PLCB1: variants seen among roughly 807,000 people sequenced by gnomAD.
PLCB1 encodes the protein 1-phosphatidylinositol 4,5-bisphosphate phosphodiesterase beta-1.
A neutral mutation model predicts 161.8 loss-of-function variants in PLCB1; 46 were observed. That is an observed-to-expected ratio of 0.28 (90% CI 0.22 to 0.36). The LOEUF is 0.36. Among genes scored for constraint, PLCB1 ranks in the 10% least tolerant of loss-of-function variants. The pLI, the probability that PLCB1 is intolerant of heterozygous loss-of-function variation, is 1.00. For missense variants in PLCB1, 1,016 were observed against 1,472.5 expected, an observed-to-expected ratio of 0.69 and a Z score of 5.07; for synonymous variants, 517 against 503.7, an observed-to-expected ratio of 1.03 and a Z score of -0.35.
intron 7 of PLCB1, chr20:8,652,057 T>C (rs1307745417): frequency 1.3e-5 from 2 of 152,368 alleles, no homozygotes; most frequent in African/African-American, 4.8e-5. Context: ...GAAAATTAAA[T>C]GTATGAACCA....
At chr20:8,448,706 T>C (rs1980943654) in intron 3 of PLCB1, among the ~76,000 whole-genome samples, 1 of 152,252 alleles carries the variant, frequency 6.6e-6, no homozygotes, top group South Asian at 2.1e-4. Context: ...TTCTACTGAA[T>C]ACTTTTTATA....
chr20:8,796,301 C>T (rs1257072777), intron 31 of PLCB1, among the ~76,000 whole-genome samples: 2 of 152,074 alleles, frequency 1.3e-5, no homozygotes, highest in Non-Finnish European at 2.9e-5. Flanking sequence ...TTGACTCATC[C>T]CTCTGCTTGA....
At chr20:8,553,789 T>A (rs1278646723) in intron 3 of PLCB1, among the ~76,000 whole-genome samples, 1 of 151,884 alleles carries the variant, frequency 6.6e-6, no homozygotes, top group Non-Finnish European at 1.5e-5. Context: ...TCACTTGAAA[T>A]CAGGGGTTCA....
At chr20:8,201,347 G>T (rs2052089374) in intron 2 of PLCB1, among the ~76,000 whole-genome samples, 1 of 151,846 alleles carries the variant, frequency 6.6e-6, no homozygotes, top group Admixed American at 6.6e-5. Context: ...ATCTTAAATA[G>T]ATAACTTAGA....
chr20:8,246,509 C>T (rs1295074535), intron 2 of PLCB1, among the ~76,000 whole-genome samples: 1 of 151,964 alleles, frequency 6.6e-6, no homozygotes, highest in Non-Finnish European at 1.5e-5. Context: ...GTTTCCACCA[C>T]ATTTTCTGTT....
intron 2 of PLCB1, among the ~76,000 whole-genome samples, chr20:8,324,009 T>A (rs995509522): frequency 4.6e-5 from 7 of 152,200 alleles, no homozygotes; most frequent in African/African-American, 1.7e-4. Flanking sequence ...TTTAGAAGTA[T>A]GATGTTGATT....
intron 2 of PLCB1, among the ~76,000 whole-genome samples, chr20:8,229,714 G>C (rs953303534): frequency 2.0e-5 from 3 of 151,406 alleles, no homozygotes; most frequent in African/African-American, 7.3e-5. Flanking sequence ...CTTCACATGA[G>C]AGCTTGCTAG....
chr20:8,631,730 A>T (rs992082366), intron 4 of PLCB1, among the ~76,000 whole-genome samples: 8 of 152,206 alleles, frequency 5.3e-5, no homozygotes, highest in Non-Finnish European at 7.3e-5. Context: ...ATAATAGGCC[A>T]CTTTTTTGTG....
intron 3 of PLCB1, among the ~76,000 whole-genome samples, chr20:8,428,943 T>C (rs1396431670): frequency 6.6e-6 from 1 of 152,160 alleles, no homozygotes; most frequent in Non-Finnish European, 1.5e-5. Context: ...GAATCTGTTG[T>C]GGTTTGTGGA....
intron 3 of PLCB1, among the ~76,000 whole-genome samples, chr20:8,498,710 G>A (rs1983281635): frequency 6.6e-6 from 1 of 152,218 alleles, no homozygotes; most frequent in South Asian, 2.1e-4. Flanking sequence ...AGTGGCTTAA[G>A]ACAACTCTTT....
intron 3 of PLCB1, among the ~76,000 whole-genome samples, chr20:8,553,115 G>A (rs1985828249): frequency 6.6e-6 from 1 of 152,124 alleles, no homozygotes; most frequent in African/African-American, 2.4e-5. Context: ...GCCAAAGCAT[G>A]GGCCACAGAT....
Position 8,790,245 on chromosome 20 carries a change from T to C in PLCB1, c.3407T>C (p.Leu1136Pro). 1 of 1,610,756 alleles carries C rather than the reference T, an allele frequency of 6.2e-7. No homozygotes were observed. The highest frequency in any genetic ancestry group is 8.5e-7 in the Non-Finnish European group (1 of 1,177,830). Residue 1136 changes from leucine (L) to proline (P), a missense_variant, in exon 31 of 32, where the codon CTG becomes CCG. Coordinates refer to ENST00000338037, the MANE Select transcript of PLCB1 (RefSeq NM_015192.4). ...CACAAGGAAATACGTCAGCAGATCC[T>C]GGATGAAAAGCCCAAGGTAAACGGA... ...EKHKEIRQQI[L>P]DEKPKLQVEL...
Position 8,645,972 on chromosome 20 carries a change from T to A in PLCB1, c.385-130T>A, listed in dbSNP as rs1374724011. 6.6e-6 allele frequency: 4 copies of A among 608,718 alleles called. No individual in the cohort carries two copies. The East Asian group carries it at 8.4e-5, about 13-fold the overall frequency. 37.7% of individuals were successfully genotyped at this position (608,718 alleles called of 1,614,324 possible). On this transcript the variant is annotated intron_variant, in intron 4 of 31. Transcript: ENST00000338037. Reference sequence around the variant, plus strand: ...TTTTTACCCAAAAAAGGGATAATAATACAAAACAAAACAAAAAACCTTTGG... The same window carrying A: ...TTTTTACCCAAAAAAGGGATAATAAAACAAAACAAAACAAAAAACCTTTGG...
intron 31 of PLCB1, among the ~76,000 whole-genome samples, chr20:8,846,619 T>C (rs1986700027): frequency 1.3e-5 from 2 of 152,254 alleles, no homozygotes; most frequent in African/African-American, 4.8e-5. Flanking sequence ...AGATTCTAAC[T>C]CAAAAGCCCA....
Position 8,375,493 on chromosome 20 carries a change from GT to G in PLCB1, c.246+4049del, listed in dbSNP as rs528658829. On this transcript the variant is annotated intron_variant, in intron 3 of 31. Coordinates refer to ENST00000338037, the MANE Select transcript of PLCB1 (RefSeq NM_015192.4). ...AATCTTGTCTTGTACAGAAAAAGTT[GT>G]TTTTTGAAACTTTTTTCATGTATGT... is the stretch of plus-strand genomic sequence containing the variant. 5.9e-5 allele frequency among the ~76,000 whole-genome samples: 9 copies of G among 152,226 alleles called. 1 individual carries two copies. In the South Asian group the frequency reaches 1.9e-3, roughly 32 times the overall value.
chr20:8,779,969 C>T (rs148186451), intron 27 of PLCB1, among the ~76,000 whole-genome samples: 21 of 152,252 alleles, frequency 1.4e-4, no homozygotes, highest in African/African-American at 4.8e-4. Context: ...ATGGAAGTTC[C>T]TCCACCCCAT....
At chr20:8,747,854 A>G (rs1981251087) in intron 23 of PLCB1, among the ~76,000 whole-genome samples, 1 of 152,196 alleles carries the variant, frequency 6.6e-6, no homozygotes, top group African/African-American at 2.4e-5. Flanking sequence ...TAATAATGAT[A>G]TGAATTCCAC....
At chr20:8,553,972 A>G (rs1373186502) in intron 3 of PLCB1, among the ~76,000 whole-genome samples, 1 of 152,094 alleles carries the variant, frequency 6.6e-6, no homozygotes, top group Non-Finnish European at 1.5e-5. Context: ...ACTGTTCTCC[A>G]GCCTGGGCAA....
intron 2 of PLCB1, among the ~76,000 whole-genome samples, chr20:8,326,925 G>A (rs1007641214): frequency 3.9e-5 from 6 of 152,152 alleles, no homozygotes; most frequent in Admixed American, 3.3e-4. Flanking sequence ...TTGCTCTGTC[G>A]CTCAGGCTGG....
Sources: allele counts gnomAD v4.1 joint callset (sites outside exome capture counted in the v4.1 genomes callset), GRCh38; gene constraint gnomAD v4.1.1; transcripts MANE v1.5; gene names NCBI Gene and HGNC (gene_info 2026-07-23, HGNC 2026-07-21).